The following FREM2 variants were observed in gnomAD, a reference collection of about 807,000 sequenced individuals.
FREM2 encodes the protein FRAS1 related extracellular matrix 2.
Under a neutral mutation model 219.9 loss-of-function variants are expected in FREM2, and 119 were observed. That is an observed-to-expected ratio of 0.54 (90% CI 0.47 to 0.63). FREM2 has a LOEUF of 0.63. Among genes scored for constraint, FREM2 ranks in the 30% least tolerant of loss-of-function variants. FREM2 has a pLI of 0.00. For synonymous variants in FREM2, 1,562 were observed against 1,522.8 expected (o/e 1.03, Z -0.60); for missense variants, 4,030 against 3,993.6 (o/e 1.01, Z -0.25).
chr13:38,861,619 T>A (rs1487040864), intron 15 of FREM2, 57 bp downstream of exon 15: 1 of 1,582,398 alleles, frequency 6.3e-7, no homozygotes, highest in Admixed American at 1.7e-5. Context: ...CATTACCTGT[T>A]GTATTTTCCT....
chr13:38,780,291 C>T (rs1874067232), intron 4 of FREM2, among the ~76,000 whole-genome samples: 1 of 152,220 alleles, frequency 6.6e-6, no homozygotes, highest in African/African-American at 2.4e-5. Context: ...TTGGTCAAGA[C>T]AGCAAAACTT....
chr13:38,783,473 TAAAAA>T lies in FREM2; in HGVS notation c.5767+295_5767+299del, dbSNP rs141521145. On this transcript the variant is annotated intron_variant, in intron 5 of 23. Coordinates refer to ENST00000280481, the MANE Select transcript of FREM2 (RefSeq NM_207361.6). ...GCTCAAGTAGAAATGGGTTACTATA[TAAAAA>T]AAAAAAAAAAAAAAAAGAGGCAAAG... 0.53 allele frequency among the ~76,000 whole-genome samples: 65,841 copies of T among 124,504 alleles called. 15,691 individuals carry two copies. Among genetic ancestry groups the T allele is most frequent in the Non-Finnish European group, 0.6 (35,018 of 58,822 alleles). 81.7% of individuals were successfully genotyped at this position (124,504 alleles called of 152,430 possible).
At chr13:38,834,566 A>G (rs1876636816) in intron 6 of FREM2, among the ~76,000 whole-genome samples, 1 of 152,194 alleles carries the variant, frequency 6.6e-6, no homozygotes, top group Non-Finnish European at 1.5e-5. Context: ...CACTTCCACC[A>G]ACAGTGTAAA....
intron 6 of FREM2, among the ~76,000 whole-genome samples, chr13:38,804,002 T>C (rs1332409851): frequency 2.0e-5 from 3 of 152,042 alleles, no homozygotes; most frequent in Non-Finnish European, 2.9e-5. Context: ...ATACAATTAT[T>C]TGCATTACGC....
chr13:38,687,784 C>T lies in FREM2; in HGVS notation c.440C>T (p.Ser147Phe), dbSNP rs992393914. The T allele has an allele frequency of 1.9e-5, 29 of 1,538,366 alleles. No individual in the cohort carries two copies. The highest frequency in any genetic ancestry group is 2.5e-5 in the Non-Finnish European group (29 of 1,138,628). ...TCTCACCTGGGCGCGCGCAGCCCGT[C>T]TCGGGACCGCGTCCGGCTGCAGCTG... Reference protein sequence around the residue: ...RYSHLGARSPSRDRVRLQLRY... With the variant: ...RYSHLGARSPFRDRVRLQLRY... Residue 147 changes from serine (S) to phenylalanine (F), a missense_variant, in exon 1 of 24, where the codon TCT becomes TTT. This residue lies in a region of FREM2 where 3,102 missense variants were observed against 2,950.7 expected (regional missense o/e 1.05). Transcript: ENST00000280481.
At chr13:38,752,021 A>G (rs2137795173) in intron 2 of FREM2, among the ~76,000 whole-genome samples, 1 of 152,360 alleles carries the variant, frequency 6.6e-6, no homozygotes, top group South Asian at 2.1e-4. Flanking sequence ...AGCAATCACC[A>G]AAGGGTTCAA....
chr13:38,878,907 C>G lies in FREM2; in HGVS notation c.8936C>G (p.Pro2979Arg), dbSNP rs756762588. Residue 2979 changes from proline to arginine, a missense_variant, in exon 23 of 24, where the codon CCT (proline) becomes CGT (arginine). Physicochemically the swap from Pro to Arg is moderately radical, Grantham distance 103 (BLOSUM62 -2). Around this residue, in one of 2 missense-constraint regions of FREM2, gnomAD observed 928 missense variants for 1,042.9 expected, o/e 0.89. Coordinates refer to ENST00000280481, the MANE Select transcript of FREM2 (RefSeq NM_207361.6). ...AATGCCAAACTAGCAGTGGATGACC[C>G]TGAAGCCATTCTCTTAGTGAATCAG... is the stretch of plus-strand genomic sequence containing the variant. ...LFNAKLAVDD[P>R]EAILLVNQPG... The G allele has an allele frequency of 1.7e-5, 27 of 1,613,982 alleles. No individual in the cohort carries two copies. Among genetic ancestry groups the G allele is most frequent in the Non-Finnish European group, 2.3e-5 (27 of 1,179,958 alleles).
intron 6 of FREM2, among the ~76,000 whole-genome samples, chr13:38,840,889 G>A (rs1349204347): frequency 6.6e-6 from 1 of 151,922 alleles, no homozygotes; most frequent in African/African-American, 2.4e-5. Context: ...ATGCATCTTT[G>A]AACACTTAGG....
At chr13:38,862,875 T>C (rs573403212) in intron 15 of FREM2, among the ~76,000 whole-genome samples, 4 of 152,346 alleles carry the variant, frequency 2.6e-5, no homozygotes, top group Admixed American at 1.3e-4. Context: ...AAAGTTTTGT[T>C]GCACACAGTT....
At chr13:38,730,212 T>A (rs1382839314) in intron 2 of FREM2, among the ~76,000 whole-genome samples, 1 of 152,204 alleles carries the variant, frequency 6.6e-6, no homozygotes, top group Non-Finnish European at 1.5e-5. Context: ...GTTCTTATTT[T>A]CCACTGGACT....
At chr13:38,708,996 G>A (rs1870652038) in intron 2 of FREM2, among the ~76,000 whole-genome samples, 1 of 152,138 alleles carries the variant, frequency 6.6e-6, no homozygotes, top group Admixed American at 6.5e-5. Flanking sequence ...CTGACCTCAG[G>A]TGATCCACCT....
At chr13:38,747,497 T>TACAC (rs35415652) in intron 2 of FREM2, among the ~76,000 whole-genome samples, 196 of 146,672 alleles carry the variant, frequency 1.3e-3, no homozygotes, top group Middle Eastern at 0.011. Context: ...TATACACAAA[T>TACAC]ACACACACAC....
intron 2 of FREM2, among the ~76,000 whole-genome samples, chr13:38,704,961 A>G (rs756373381): frequency 2.0e-5 from 3 of 152,172 alleles, no homozygotes; most frequent in Non-Finnish European, 4.4e-5. Flanking sequence ...CCATGATCCA[A>G]TCACCTCTCA....
chr13:38,778,922 A>G (rs1026165469), intron 4 of FREM2, among the ~76,000 whole-genome samples: 1 of 152,210 alleles, frequency 6.6e-6, no homozygotes, highest in African/African-American at 2.4e-5. Flanking sequence ...AGTTAATGAA[A>G]ACAAACTCAC....
At position 38,779,225 on chromosome 13, in the gene FREM2, C is replaced by CCG. The variant is rs557890141; in HGVS notation, c.5642-3845_5642-3844insCG. On this transcript the variant is annotated intron_variant, in intron 4 of 23. Coordinates refer to ENST00000280481, the MANE Select transcript of FREM2 (RefSeq NM_207361.6). ...GGGAACAACACACACTGGGGCTTGT[C>CCG]GGGGGGTGGAGGGAAAGGGGAGGGA... 2.3e-3 allele frequency among the ~76,000 whole-genome samples: 338 copies of CCG among 147,200 alleles called. 1 individual carries two copies. Among genetic ancestry groups the CCG allele is most frequent in the African/African-American group, 7.0e-3 (276 of 39,584 alleles).
intron 6 of FREM2, among the ~76,000 whole-genome samples, chr13:38,831,263 A>G (rs1424159770): frequency 6.6e-6 from 1 of 152,176 alleles, no homozygotes; most frequent in South Asian, 2.1e-4. Context: ...ATACTCATGA[A>G]GCCTCTTCAC....
intron 6 of FREM2, among the ~76,000 whole-genome samples, chr13:38,823,640 A>G (rs552089671): frequency 2.1e-4 from 32 of 152,176 alleles, no homozygotes; most frequent in Middle Eastern, 3.4e-3. Flanking sequence ...TGGCTAACTC[A>G]TATTAATGCC....
chr13:38,768,004 T>C (rs539068096), intron 3 of FREM2, among the ~76,000 whole-genome samples: 50 of 152,348 alleles, frequency 3.3e-4, no homozygotes, highest in Admixed American at 1.8e-3. Context: ...ATGACTCTTA[T>C]ATAAGCACTA....
chr13:38,716,211 C>T (rs1311449932), intron 2 of FREM2, among the ~76,000 whole-genome samples: 1 of 152,130 alleles, frequency 6.6e-6, no homozygotes, highest in Non-Finnish European at 1.5e-5. Flanking sequence ...ATGACAAAGA[C>T]CTTTACAGAG....
Sources: allele counts gnomAD v4.1 joint callset (sites outside exome capture counted in the v4.1 genomes callset), GRCh38; gene constraint gnomAD v4.1.1; regional missense constraint gnomAD v4.1.1; transcripts MANE v1.5; gene names NCBI Gene and HGNC (gene_info 2026-07-23, HGNC 2026-07-21).